The following ESYT2 variants were observed in gnomAD, a reference collection of about 807,000 sequenced individuals.
ESYT2 encodes the protein extended synaptotagmin-2.
A neutral mutation model predicts 107.2 loss-of-function variants in ESYT2; 54 were observed. That is an observed-to-expected ratio of 0.50 (90% CI 0.40 to 0.63). The LOEUF (loss-of-function observed/expected upper bound fraction) is 0.63. Ranked by LOEUF, ESYT2 falls within the 30% of genes least tolerant of loss-of-function variation. The probability of loss-of-function intolerance (pLI) is 0.00; values close to 1 mark genes in which losing one functional copy is unlikely to be tolerated. For synonymous variants in ESYT2, 491 were observed against 434.1 expected (o/e 1.13, Z -1.63); for missense variants, 1,020 against 1,094.5 (o/e 0.93, Z 0.96).
Position 158,781,316 on chromosome 7 carries a change from A to T in ESYT2, c.747+6688T>A, listed in dbSNP as rs113450948. Reference sequence around the variant, plus strand: ...TGTGCGGTGTGTGAGAACAACTGTGAGAGTGAACGAGTGTTGAGAACAAAG... The same window carrying T: ...TGTGCGGTGTGTGAGAACAACTGTGTGAGTGAACGAGTGTTGAGAACAAAG... On this transcript the variant is annotated intron_variant, in intron 6 of 22. Coordinates refer to ENST00000275418, the MANE Select transcript of ESYT2 (RefSeq NM_001367773.1). Among the ~76,000 whole-genome samples the T allele has an allele frequency of 9.4e-3, 1,417 of 151,068 alleles. 19 individuals are homozygous for T. The highest frequency in any genetic ancestry group is 0.03 in the African/African-American group (1,232 of 41,094).
Position 158,829,070 on chromosome 7 carries a change from G to C in ESYT2, c.330+19C>G. ...GGACTGGTGGTCAGGGGTCGGGACG[G>C]GCAGGGGTCTGCACTCACCCAGGCG... On this transcript the variant is annotated intron_variant, in intron 1 of 22. Coordinates refer to ENST00000275418, the MANE Select transcript of ESYT2 (RefSeq NM_001367773.1). 10 of 1,579,020 alleles carry C rather than the reference G, an allele frequency of 6.3e-6. No individual in the cohort carries two copies. Among genetic ancestry groups the C allele is most frequent in the Non-Finnish European group, 8.5e-6 (10 of 1,172,196 alleles).
chr7:158,769,338 G>A (rs1254328646), intron 7 of ESYT2, among the ~76,000 whole-genome samples: 3 of 152,278 alleles, frequency 2.0e-5, no homozygotes, highest in East Asian at 3.9e-4. Flanking sequence ...TGTTCACCAC[G>A]CAGAGGCAGG....
intron 1 of ESYT2, among the ~76,000 whole-genome samples, chr7:158,813,336 T>C (rs914886354): frequency 2.0e-5 from 3 of 152,248 alleles, no homozygotes; most frequent in Admixed American, 6.5e-5. Flanking sequence ...TAATAGCTGA[T>C]ACATGCCATT....
Position 158,767,679 on chromosome 7 carries a change from G to A in ESYT2, c.899C>T (p.Ala300Val). The A allele has an allele frequency of 6.2e-7, 1 of 1,612,260 alleles. No homozygotes were observed. The highest frequency in any genetic ancestry group is 1.7e-4 in the Middle Eastern group (1 of 6,046). The change falls in exon 8 of 23, where the codon GCT becomes GTT. Residue 300 changes from alanine to valine, a missense_variant. Physicochemically the swap from Ala to Val is moderately conservative, Grantham distance 64. Transcript: ENST00000275418. ...TVPLVSEVQI[A>V]QLRFPVPKGV... is the part of the protein sequence containing the mutation. ...CTTTGGTACAGGAAACCGCAACTGA[G>A]CTATTTGAACTTCACTGACAAGTGG...
At chr7:158,826,051 G>C (rs569350506) in intron 1 of ESYT2, among the ~76,000 whole-genome samples, 2 of 150,302 alleles carry the variant, frequency 1.3e-5, no homozygotes, top group African/African-American at 2.4e-5. Flanking sequence ...CAAACCCAAA[G>C]TGCAAGTAAT....
chr7:158,786,608 T>C (rs1249014466), intron 6 of ESYT2, among the ~76,000 whole-genome samples: 1 of 152,236 alleles, frequency 6.6e-6, no homozygotes, highest in Non-Finnish European at 1.5e-5. Flanking sequence ...AGAACAATTA[T>C]TTTATTCATA....
Position 158,763,824 on chromosome 7 carries a change from C to T in ESYT2, c.1102-659G>A, listed in dbSNP as rs186018792. 3.9e-5 allele frequency among the ~76,000 whole-genome samples: 6 copies of T among 152,288 alleles called. No individual in the cohort carries two copies. The East Asian group carries it at 9.7e-4, about 25-fold the overall frequency. On this transcript the variant is annotated intron_variant, in intron 9 of 22. Transcript: ENST00000275418. The stretch of plus-strand genomic sequence containing the variant: ...CAGACCAAAGATCCAGGACACATCC[C>T]TCTAGTCCTGAAGTGGCTCCACTCA...
At chr7:158,806,955 A>G (rs1425844767) in intron 1 of ESYT2, among the ~76,000 whole-genome samples, 1 of 152,204 alleles carries the variant, frequency 6.6e-6, no homozygotes, top group African/African-American at 2.4e-5. Context: ...AATTGCATAT[A>G]TTCTGTATAC....
intron 14 of ESYT2, 103 bp from the exon 15 acceptor site, chr7:158,749,826 T>A (rs923084573): frequency 9.9e-7 from 1 of 1,006,512 alleles, no homozygotes; most frequent in Non-Finnish European, 1.5e-6. Context: ...CATTTTTATT[T>A]ATCTCTGATA....
Position 158,735,724 on chromosome 7 carries a change from T to G in ESYT2, c.2400-116A>C, listed in dbSNP as rs755333036. The G allele has an allele frequency of 3.6e-4, 322 of 893,668 alleles. 1 individual carries two copies. The highest frequency in any genetic ancestry group is 3.4e-3 in the Middle Eastern group (13 of 3,856). 55.4% of individuals were successfully genotyped at this position (893,668 alleles called of 1,614,324 possible). A position where few individuals can be genotyped will look rare whatever the true frequency, so the allele number is the denominator to read the frequency against. On this transcript the variant is annotated intron_variant, in intron 20 of 22. Coordinates refer to ENST00000275418, the MANE Select transcript of ESYT2 (RefSeq NM_001367773.1). ...CAAATGTCATGTTTGTTTTTTATTA[T>G]AAAACTGAGTTCTTCTACCTAATGT...
intron 7 of ESYT2, among the ~76,000 whole-genome samples, chr7:158,772,420 AT>A (rs1269218951): frequency 1.3e-5 from 2 of 152,260 alleles, no homozygotes; most frequent in African/African-American, 2.4e-5. Flanking sequence ...GAATAAAAAA[AT>A]AGTCTGAAAC....
intron 13 of ESYT2, among the ~76,000 whole-genome samples, chr7:158,756,730 G>A (rs1837768616): frequency 6.6e-6 from 1 of 151,972 alleles, no homozygotes; most frequent in African/African-American, 2.4e-5. Context: ...TCAGCATGGT[G>A]AAACCCTGTC....
At chr7:158,776,514 A>T (rs140578254) in intron 6 of ESYT2, among the ~76,000 whole-genome samples, 1 of 152,306 alleles carries the variant, frequency 6.6e-6, no homozygotes, top group Non-Finnish European at 1.5e-5. Context: ...CTTTCCGTGA[A>T]CCTCATAAAC....
intron 7 of ESYT2, among the ~76,000 whole-genome samples, chr7:158,772,275 C>A (rs842446): frequency 6.6e-6 from 1 of 152,186 alleles, no homozygotes; most frequent in Non-Finnish European, 1.5e-5. Flanking sequence ...CATTTTTCTG[C>A]ATCCAGTAAA....
intron 16 of ESYT2, among the ~76,000 whole-genome samples, chr7:158,745,037 CAG>C (rs1287549092): frequency 6.6e-6 from 1 of 152,174 alleles, no homozygotes; most frequent in Non-Finnish European, 1.5e-5. Context: ...TTGTATAAAA[CAG>C]AATGTAAAAA....
intron 18 of ESYT2, 135 bp downstream of exon 18, chr7:158,741,388 A>T: frequency 7.7e-7 from 1 of 1,305,916 alleles, no homozygotes; most frequent in Non-Finnish European, 1.0e-6. Flanking sequence ...AAGTGCTTTC[A>T]GTTAACCTAA....
At chr7:158,808,252 C>T (rs539635860) in intron 1 of ESYT2, among the ~76,000 whole-genome samples, 15 of 152,302 alleles carry the variant, frequency 9.8e-5, no homozygotes, top group African/African-American at 1.4e-4. Context: ...AGTTTTAAAC[C>T]GCATGCTGTT....
chr7:158,734,526 C>T (rs1052951918), intron 21 of ESYT2, 55 bp from the exon 22 acceptor site: 18 of 1,523,298 alleles, frequency 1.2e-5, no homozygotes, highest in African/African-American at 6.8e-5. Flanking sequence ...CACTGGCTCC[C>T]GTCTGTAATC....
At chr7:158,770,012 C>T (rs1047583154) in intron 7 of ESYT2, among the ~76,000 whole-genome samples, 4 of 151,968 alleles carry the variant, frequency 2.6e-5, no homozygotes, top group Non-Finnish European at 5.9e-5. Flanking sequence ...GCAACCTCCA[C>T]CTCCCGAGTA....
Sources: gnomAD v4.1 joint callset for allele counts (sites outside exome capture counted in the v4.1 genomes callset) on GRCh38, gnomAD v4.1.1 for gene constraint, MANE v1.5 for transcripts, NCBI Gene and HGNC (gene_info 2026-07-23, HGNC 2026-07-21) for gene names.